PCDHGB1: variants seen among roughly 807,000 people sequenced by gnomAD.
The protein encoded by PCDHGB1 is protocadherin gamma subfamily B, 1, also known as protocadherin gamma-B1.
A neutral mutation model predicts 56.6 loss-of-function variants in PCDHGB1; 34 were observed. The ratio of observed to expected loss-of-function variants is 0.60; its 90% CI spans 0.46 to 0.80. The LOEUF (loss-of-function observed/expected upper bound fraction) is 0.80. Among genes scored for constraint, PCDHGB1 ranks in the 30% least tolerant of loss-of-function variants. The pLI, the probability that PCDHGB1 is intolerant of heterozygous loss-of-function variation, is 0.00. For synonymous variants in PCDHGB1, 561 were observed against 505.9 expected, an observed-to-expected ratio of 1.11 and a Z score of -1.46; for missense variants, 1,278 against 1,204.6, an observed-to-expected ratio of 1.06 and a Z score of -0.90.
intron 1 of PCDHGB1, chr5:141,403,959 C>T (rs1415465011): frequency 2.5e-6 from 4 of 1,613,568 alleles, no homozygotes; most frequent in Non-Finnish European, 3.4e-6. Context: ...GTGCTCATTT[C>T]GGTGGAAGAT....
rs942270362 is a variant in PCDHGB1 at position 141,394,773 on chromosome 5, C to T, written c.2409+42104C>T. On this transcript the variant is annotated intron_variant, in intron 1 of 3. Coordinates refer to ENST00000523390, the MANE Select transcript of PCDHGB1 (RefSeq NM_018922.3). ...CGTCCAGGACCATGGCCAGCCCCCT[C>T]TCTCCGCCACTGTCACGCTCACCGT... 4.3e-5 allele frequency: 70 copies of T among 1,613,400 alleles called. No homozygotes were observed. The highest frequency in any genetic ancestry group is 5.6e-5 in the Non-Finnish European group (66 of 1,179,978).
chr5:141,394,410 A>G, intron 1 of PCDHGB1: 1 of 1,614,210 alleles, frequency 6.2e-7, no homozygotes, highest in Non-Finnish European at 8.5e-7. Context: ...GCTACTGGTA[A>G]CAGCCAGCGA....
chr5:141,377,364 A>C (rs1163264209), intron 1 of PCDHGB1: 2 of 152,154 alleles, frequency 1.3e-5, no homozygotes, highest in Non-Finnish European at 2.9e-5. Flanking sequence ...CCACCTCTTC[A>C]GGAGGCTGAG....
intron 1 of PCDHGB1, chr5:141,408,127 G>A (rs1017651550): frequency 2.0e-6 from 3 of 1,480,258 alleles, no homozygotes; most frequent in African/African-American, 2.8e-5. Context: ...GTCCTGGGCC[G>A]AATGCTCTTT....
intron 1 of PCDHGB1, chr5:141,421,975 G>T: frequency 6.2e-7 from 1 of 1,610,052 alleles, no homozygotes; most frequent in African/African-American, 1.3e-5. Context: ...CGTATATCGC[G>T]TGAGTGTTCC....
intron 1 of PCDHGB1, chr5:141,413,227 G>A (rs552225139): frequency 1.9e-5 from 30 of 1,613,938 alleles, no homozygotes; most frequent in Non-Finnish European, 2.5e-5. Flanking sequence ...CAGCGGGCTG[G>A]TCCTGCTCTG....
chr5:141,430,795 G>T (rs918154748), intron 1 of PCDHGB1: 7 of 1,522,458 alleles, frequency 4.6e-6, no homozygotes, highest in Non-Finnish European at 6.2e-6. Flanking sequence ...ACTACAAAGG[G>T]CTTGTCCTGC....
intron 1 of PCDHGB1, among the ~76,000 whole-genome samples, chr5:141,429,712 C>T (rs998121271): frequency 1.3e-5 from 2 of 151,994 alleles, no homozygotes; most frequent in African/African-American, 2.4e-5. Flanking sequence ...TAAATATTTA[C>T]GCTCATGAAA....
intron 1 of PCDHGB1, chr5:141,366,026 G>A (rs1435351419): frequency 4.3e-6 from 7 of 1,614,094 alleles, no homozygotes; most frequent in Non-Finnish European, 5.1e-6. Flanking sequence ...CCTGTACCCC[G>A]CCCTCCCCAC....
At chr5:141,410,849 CT>C (rs759346998) in intron 1 of PCDHGB1, 9,989 of 137,410 alleles carry the variant, frequency 0.073, 1 homozygote, top group South Asian at 0.15. Context: ...TTGTCTTTGT[CT>C]TTTTTTTTTT....
chr5:141,397,424 T>A (rs975746097), intron 1 of PCDHGB1, among the ~76,000 whole-genome samples: 4 of 152,324 alleles, frequency 2.6e-5, no homozygotes, highest in African/African-American at 9.6e-5. Flanking sequence ...ATAGTATAGA[T>A]TTCCCTAATA....
chr5:141,453,701 AAC>A (rs1250174252), intron 1 of PCDHGB1, among the ~76,000 whole-genome samples: 1 of 152,240 alleles, frequency 6.6e-6, no homozygotes, highest in Non-Finnish European at 1.5e-5. Context: ...CCTGGCTTTG[AAC>A]AGTTTCACTA....
Position 141,486,362 on chromosome 5 carries a change from C to A in PCDHGB1, c.2410-8445C>A. On this transcript the variant is annotated intron_variant, in intron 1 of 3. Coordinates refer to ENST00000523390, the MANE Select transcript of PCDHGB1 (RefSeq NM_018922.3). The surrounding 1 kb of genome is among the most constrained non-coding windows in gnomAD (Gnocchi z 5.0). ...CATTCCTGACCACTTGCCATTTGCC[C>A]TCAAGTCTGCCTTCAGGAACCAGTT... The A allele has an allele frequency of 6.2e-7, 1 of 1,614,132 alleles. No individual in the cohort carries two copies. The highest frequency in any genetic ancestry group is 1.7e-5 in the Admixed American group (1 of 60,024).
intron 1 of PCDHGB1, chr5:141,419,783 C>A: frequency 1.2e-6 from 2 of 1,614,070 alleles, no homozygotes; most frequent in Non-Finnish European, 1.7e-6. Context: ...CCGCCAGCGC[C>A]TGCTAGTCGC....
Position 141,409,737 on chromosome 5 carries a change from G to C in PCDHGB1, c.2409+57068G>C, listed in dbSNP as rs199531162. The C allele has an allele frequency of 1.4e-3, 2,254 of 1,613,108 alleles. 2 individuals carry two copies. Among genetic ancestry groups the C allele is most frequent in the Non-Finnish European group, 1.8e-3 (2,079 of 1,179,866 alleles). On this transcript the variant is annotated intron_variant, in intron 1 of 3. Coordinates refer to ENST00000523390, the MANE Select transcript of PCDHGB1 (RefSeq NM_018922.3). ...TACGTGTCAGTGAGCGCGCAGAGCGGGGTGGTGTTCGCGCAGCGCGCCTTT... is the reference window on the plus strand; with the variant it reads ...TACGTGTCAGTGAGCGCGCAGAGCGCGGTGGTGTTCGCGCAGCGCGCCTTT...
At chr5:141,403,873 A>G in intron 1 of PCDHGB1, 1 of 1,613,840 alleles carries the variant, frequency 6.2e-7, no homozygotes, top group Non-Finnish European at 8.5e-7. Flanking sequence ...CAAAAAGTCT[A>G]GATTATGAAG....
intron 1 of PCDHGB1, chr5:141,418,522 C>A: frequency 6.2e-7 from 1 of 1,614,000 alleles, no homozygotes; most frequent in Non-Finnish European, 8.5e-7. Flanking sequence ...GGGACCCTCC[C>A]CGAAGCGGTA....
In PCDHGB1 at chr5:141,388,120, C is replaced by G. The variant is rs945677635; in HGVS notation, c.2409+35451C>G. The G allele has an allele frequency of 2.8e-6, 4 of 1,422,500 alleles. No homozygotes were observed. The African/African-American group carries it at 5.8e-5, about 20-fold the overall frequency. 88.1% of individuals were successfully genotyped at this position (1,422,500 alleles called of 1,614,324 possible). On this transcript the variant is annotated intron_variant, in intron 1 of 3. Coordinates refer to ENST00000523390, the MANE Select transcript of PCDHGB1 (RefSeq NM_018922.3). ...GAGAAGCCTTACTTCACCGTGAGCG[C>G]AGAGAGCGGGGAGTTGCTTGTGAGC...
At chr5:141,355,608 A>G (rs1561509315) in intron 1 of PCDHGB1, 2 of 1,613,982 alleles carry the variant, frequency 1.2e-6, no homozygotes, top group Non-Finnish European at 1.7e-6. Context: ...TTGGGACAGA[A>G]CAGAGGGAAA....
Sources: gnomAD v4.1 joint callset for allele counts (sites outside exome capture counted in the v4.1 genomes callset) on GRCh38, gnomAD v4.1.1 for gene constraint, Gnocchi (gnomAD v3.1) non-coding constraint, MANE v1.5 for transcripts, NCBI Gene and HGNC (gene_info 2026-07-23, HGNC 2026-07-21) for gene names.